HMGN5: variants seen among roughly 807,000 people sequenced by gnomAD.
HMGN5 encodes high mobility group nucleosome-binding domain-containing protein 5.
Under a neutral mutation model 9.5 loss-of-function variants are expected in HMGN5, and 4 were observed. The observed-to-expected ratio is 0.42, with a 90% confidence interval of 0.21 to 0.96. The LOEUF (loss-of-function observed/expected upper bound fraction) is 0.96, where lower values mean the gene tolerates loss of function less well. Ranked by LOEUF, HMGN5 falls within the 40% of genes least tolerant of loss-of-function variation. The pLI is 0.30. For synonymous variants in HMGN5, 55 were observed against 57.1 expected, an observed-to-expected ratio of 0.96 and a Z score of 0.16; for missense variants, 192 against 187.5, an observed-to-expected ratio of 1.02 and a Z score of -0.14.
intron 1 of HMGN5, among the ~76,000 whole-genome samples, chrX:81,182,414 TC>T (rs1283307827): frequency 8.9e-6 from 1 of 112,186 alleles, no homozygotes; most frequent in Non-Finnish European, 1.9e-5. Flanking sequence ...CAATTGTAAT[TC>T]CCAATGTTGG....
intron 1 of HMGN5, among the ~76,000 whole-genome samples, chrX:81,156,804 C>T (rs2147568352): frequency 9.1e-6 from 1 of 109,768 alleles, no homozygotes; most frequent in African/African-American, 3.3e-5. Context: ...GATGGCTTCT[C>T]CGAAGATTGA....
At chrX:81,164,534 C>G (rs1029423049) in intron 1 of HMGN5, among the ~76,000 whole-genome samples, 1 of 111,466 alleles carries the variant, frequency 9.0e-6, no homozygotes, top group Non-Finnish European at 1.9e-5. Context: ...ATTATGAATG[C>G]CTCTCATTCC....
chrX:81,137,628 T>C (rs2075315025), intron 1 of HMGN5, among the ~76,000 whole-genome samples: 1 of 111,198 alleles, frequency 9.0e-6, no homozygotes, highest in African/African-American at 3.3e-5. Flanking sequence ...AATATTCTAA[T>C]ACTTTCAACA....
At chrX:81,139,931 A>G (rs2075323476) in intron 1 of HMGN5, among the ~76,000 whole-genome samples, 1 of 111,724 alleles carries the variant, frequency 9.0e-6, no homozygotes, top group Non-Finnish European at 1.9e-5. Context: ...AAGGATTGCA[A>G]CTCTTAGGCA....
In HMGN5 at chrX:81,116,216, G is replaced by T; in HGVS notation, c.255C>A (p.Ala85=). The change falls in exon 6 of 7, where the codon GCC becomes GCA. Residue 85 remains alanine (A), a synonymous_variant. Transcript: ENST00000358130. The stretch of plus-strand genomic sequence containing the variant: ...CATTAGAAAATACCTCTGTAATTTT[G>T]GCTTCTCCATTTTTAGCATTTTCAT... ...DYNENAKNGE[A]KITEAPASEK... The T allele has an allele frequency of 5.9e-6, 7 of 1,191,566 alleles. No homozygotes were observed. The highest frequency in any genetic ancestry group is 7.9e-6 in the Non-Finnish European group (7 of 880,698).
At chrX:81,200,712 T>TG (rs2075523872) in intron 1 of HMGN5, among the ~76,000 whole-genome samples, 1 of 109,538 alleles carries the variant, frequency 9.1e-6, no homozygotes, top group South Asian at 4.0e-4. Context: ...AGTCGGGGGG[T>TG]GGGGGGCTGG....
intron 1 of HMGN5, among the ~76,000 whole-genome samples, chrX:81,195,763 T>A: frequency 8.9e-6 from 1 of 111,853 alleles, no homozygotes; most frequent in East Asian, 2.8e-4. Context: ...TTGAGACCAT[T>A]TACTGTTACT....
At chrX:81,169,490 G>A (rs1244130117) in intron 1 of HMGN5, among the ~76,000 whole-genome samples, 5 of 111,395 alleles carry the variant, frequency 4.5e-5, no homozygotes. Context: ...ACAATGCCAA[G>A]ATCCTAGCTA....
intron 1 of HMGN5, among the ~76,000 whole-genome samples, chrX:81,181,593 C>G (rs958695561): frequency 5.4e-5 from 6 of 112,050 alleles, no homozygotes; most frequent in Non-Finnish European, 9.4e-5. Context: ...TTCTCTCTGT[C>G]TAGCCACTAC....
chrX:81,137,796 C>T (rs2075315556), intron 1 of HMGN5, among the ~76,000 whole-genome samples: 1 of 111,437 alleles, frequency 9.0e-6, no homozygotes, highest in South Asian at 3.7e-4. Flanking sequence ...GCTTGATAAA[C>T]CTCTAGCAAG....
chrX:81,146,536 G>A (rs1228744391), intron 1 of HMGN5, among the ~76,000 whole-genome samples: 2 of 111,606 alleles, frequency 1.8e-5, no homozygotes, highest in Non-Finnish European at 3.8e-5. Context: ...ATGCTCACAA[G>A]AGAAAGAAAG....
At chrX:81,160,004 CTT>C (rs1215673014) in intron 1 of HMGN5, among the ~76,000 whole-genome samples, 1 of 111,454 alleles carries the variant, frequency 9.0e-6, no homozygotes, top group African/African-American at 3.3e-5. Flanking sequence ...GCAATTAAAT[CTT>C]AAGGGAAAAC....
At chrX:81,181,291 A>C (rs949188509) in intron 1 of HMGN5, among the ~76,000 whole-genome samples, 4 of 111,241 alleles carry the variant, frequency 3.6e-5, no homozygotes, top group Admixed American at 2.9e-4. Flanking sequence ...ATTATTTTTA[A>C]ATTTTTTGGT....
chrX:81,121,283 C>T (rs1257327280), intron 2 of HMGN5, among the ~76,000 whole-genome samples: 5 of 110,270 alleles, frequency 4.5e-5, no homozygotes, highest in Non-Finnish European at 7.6e-5. Context: ...TGTAATTCAG[C>T]ATGGAGACAC....
chrX:81,136,021 G>A (rs781032940), intron 1 of HMGN5, among the ~76,000 whole-genome samples: 1 of 111,166 alleles, frequency 9.0e-6, no homozygotes, highest in Non-Finnish European at 1.9e-5. Flanking sequence ...CCACTTTTCT[G>A]CTAAACTATG....
At chrX:81,136,636 G>A (rs1238897037) in intron 1 of HMGN5, among the ~76,000 whole-genome samples, 2 of 111,700 alleles carry the variant, frequency 1.8e-5, no homozygotes, top group East Asian at 5.6e-4. Flanking sequence ...AAGAGAAATA[G>A]AGGAATGAGA....
chrX:81,118,731 G>A lies in HMGN5; in HGVS notation c.74C>T (p.Ala25Val). ...CTGCTTTTTGAAAAGATTACTTACA[G>A]CAGACAACCTGGCAGATCTTCTCTT... The part of the protein sequence containing the change: ...EPKRRSARLS[A>V]MLVPVTPEVK... Residue 25 changes from alanine to valine, a missense_variant and splice_region_variant, in exon 4 of 7, where the codon GCT (alanine) becomes GTT (valine). Coordinates refer to ENST00000358130, the MANE Select transcript of HMGN5 (RefSeq NM_030763.3). 1.7e-6 allele frequency: 2 copies of A among 1,195,068 alleles called. No homozygotes were observed. The highest frequency in any genetic ancestry group is 3.7e-5 in the South Asian group (2 of 53,809).
At chrX:81,165,648 G>C (rs1007024999) in intron 1 of HMGN5, among the ~76,000 whole-genome samples, 3 of 111,399 alleles carry the variant, frequency 2.7e-5, no homozygotes, top group African/African-American at 9.8e-5. Context: ...GAAGTTGAAT[G>C]AAAGCTTGAG....
At chrX:81,180,883 G>A (rs1239917118) in intron 1 of HMGN5, among the ~76,000 whole-genome samples, 1 of 111,791 alleles carries the variant, frequency 8.9e-6, no homozygotes, top group African/African-American at 3.3e-5. Flanking sequence ...AAAAGGATGA[G>A]TTCATGTCCT....
Sources: gnomAD v4.1 joint callset for allele counts (sites outside exome capture counted in the v4.1 genomes callset) on GRCh38, gnomAD v4.1.1 for gene constraint, MANE v1.5 for transcripts, NCBI Gene and HGNC (gene_info 2026-07-23, HGNC 2026-07-21) for gene names.